The following SPMAP2L variants were observed in gnomAD, a reference collection of about 807,000 sequenced individuals.
SPMAP2L encodes the protein sperm microtubule associated protein 2 like.
the SPMAP2L span, among the ~76,000 whole-genome samples, chr4:56,543,875 TGA>T: frequency 8.5e-3 from 1,029 of 121,350 alleles, 17 homozygotes; most frequent in African/African-American, 0.03. Flanking sequence ...TAGCATATAT[TGA>T]GAGAGAGAGA....
chr4:56,606,205 A>G, the SPMAP2L span, among the ~76,000 whole-genome samples: 1 of 152,238 alleles, frequency 6.6e-6, no homozygotes, highest in Non-Finnish European at 1.5e-5. Context: ...AAGAGGATAC[A>G]GGAAGACATT....
chr4:56,574,942 C>G, the SPMAP2L span, among the ~76,000 whole-genome samples: 3 of 149,682 alleles, frequency 2.0e-5, no homozygotes, highest in South Asian at 6.3e-4. Context: ...GTGTATGATC[C>G]TGTCTCAATT....
At chr4:56,575,575 C>T in the SPMAP2L span, 1 of 1,535,406 alleles carries the variant, frequency 6.5e-7, no homozygotes, top group African/African-American at 1.4e-5. Flanking sequence ...ATTGTTTAGA[C>T]AACCCTCCAA....
At chr4:56,600,900 G>A in the SPMAP2L span, 1 of 1,515,284 alleles carries the variant, frequency 6.6e-7, no homozygotes, top group Non-Finnish European at 8.8e-7. Flanking sequence ...TAAAATTTGG[G>A]ATATATTTTT....
At chr4:56,559,303 C>A in the SPMAP2L span, 39 of 663,324 alleles carry the variant, frequency 5.9e-5, no homozygotes, top group African/African-American at 3.4e-4. Context: ...AAGACTGTCT[C>A]AAAAAAAAAA....
the SPMAP2L span, chr4:56,595,529 C>A: frequency 6.7e-7 from 1 of 1,486,228 alleles, no homozygotes; most frequent in Non-Finnish European, 9.4e-7. Flanking sequence ...GTTATATCTT[C>A]CCACTGGGAC....
chr4:56,594,964 C>T, the SPMAP2L span: 1 of 1,610,040 alleles, frequency 6.2e-7, no homozygotes, highest in Non-Finnish European at 8.5e-7. Context: ...GCATGGGGCC[C>T]ATTGGCGTAA....
At chr4:56,587,467 C>T in the SPMAP2L span, among the ~76,000 whole-genome samples, 9 of 144,716 alleles carry the variant, frequency 6.2e-5, no homozygotes, top group South Asian at 9.9e-4. Context: ...CCCTCACCCC[C>T]CTCCCACTCT....
the SPMAP2L span, among the ~76,000 whole-genome samples, chr4:56,561,189 A>T: frequency 2.4e-4 from 37 of 152,346 alleles, no homozygotes; most frequent in South Asian, 6.2e-3. Context: ...CTTAATGAAG[A>T]TCACTTCATT....
At chr4:56,593,532 G>A in the SPMAP2L span, 6 of 1,599,496 alleles carry the variant, frequency 3.8e-6, no homozygotes, top group African/African-American at 1.3e-5. Context: ...CCTGCTGTGT[G>A]TGCTACTGAC....
the SPMAP2L span, among the ~76,000 whole-genome samples, chr4:56,611,167 G>A: frequency 6.6e-6 from 1 of 152,116 alleles, no homozygotes; most frequent in Non-Finnish European, 1.5e-5. Flanking sequence ...AGCACAATTC[G>A]CAATTTCAAA....
chr4:56,586,700 T>C, the SPMAP2L span, among the ~76,000 whole-genome samples: 34 of 152,318 alleles, frequency 2.2e-4, 1 homozygote, highest in East Asian at 6.2e-3. Context: ...AGAAGGAATA[T>C]ACTAATATGG....
chr4:56,593,703 T>TG, the SPMAP2L span: 5 of 1,593,990 alleles, frequency 3.1e-6, no homozygotes, highest in Admixed American at 1.7e-5. Flanking sequence ...GGAAGAATGG[T>TG]GGGGGCAACA....
At chr4:56,617,442 G>A in the SPMAP2L span, among the ~76,000 whole-genome samples, 1 of 152,142 alleles carries the variant, frequency 6.6e-6, no homozygotes, top group Non-Finnish European at 1.5e-5. Flanking sequence ...CTGAGCCGGT[G>A]GTAGTGAAAG....
At chr4:56,563,253 C>T in the SPMAP2L span, among the ~76,000 whole-genome samples, 83 of 150,020 alleles carry the variant, frequency 5.5e-4, no homozygotes, top group African/African-American at 2.1e-3. Context: ...TCACCATACC[C>T]GGCTAATTTT....
chr4:56,553,854 T>C, the SPMAP2L span, among the ~76,000 whole-genome samples: 1 of 152,184 alleles, frequency 6.6e-6, no homozygotes, highest in Non-Finnish European at 1.5e-5. Context: ...TTCCTCCCTC[T>C]CCAAACCCTT....
At chr4:56,536,866 C>T in the SPMAP2L span, among the ~76,000 whole-genome samples, 73 of 152,170 alleles carry the variant, frequency 4.8e-4, 1 homozygote, top group South Asian at 0.013. Context: ...TGGGTTCAAG[C>T]GATTCTCCTG....
At chr4:56,576,261 C>A in the SPMAP2L span, among the ~76,000 whole-genome samples, 2 of 152,002 alleles carry the variant, frequency 1.3e-5, no homozygotes, top group African/African-American at 4.8e-5. Flanking sequence ...AGATATTGGG[C>A]TCCTGGAAAC....
chr4:56,581,572 A>G, the SPMAP2L span, among the ~76,000 whole-genome samples: 1 of 151,938 alleles, frequency 6.6e-6, no homozygotes, highest in Non-Finnish European at 1.5e-5. Flanking sequence ...GTGAGATGTG[A>G]TGGTGCCACT....
Sources: allele counts gnomAD v4.1 joint callset (sites outside exome capture counted in the v4.1 genomes callset), GRCh38; gene constraint gnomAD v4.1.1; transcripts MANE v1.5; gene names NCBI Gene and HGNC (gene_info 2026-07-23, HGNC 2026-07-21).